PI4KA: variants seen among roughly 807,000 people sequenced by gnomAD.
PI4KA encodes the protein phosphatidylinositol 4-kinase alpha.
In PI4KA, 122 loss-of-function variants were observed where a neutral mutation model predicts 271.4. The ratio of observed to expected loss-of-function variants is 0.45; its 90% CI spans 0.39 to 0.52. PI4KA has a LOEUF of 0.52. PI4KA is among the 20% of genes least tolerant of loss of function. PI4KA has a pLI of 0.00. For missense variants in PI4KA, 1,969 were observed against 2,769.1 expected (o/e 0.71, Z 6.48); for synonymous variants, 1,041 against 1,078.8 (o/e 0.96, Z 0.69).
In PI4KA at chr22:20,827,137, T is replaced by C. The variant is rs188034780; in HGVS notation, c.368-2723A>G. Among the ~76,000 whole-genome samples, 23 of 152,350 alleles carry C rather than the reference T, an allele frequency of 1.5e-4. 1 individual carries two copies. The highest frequency in any genetic ancestry group is 1.5e-3 in the Admixed American group (23 of 15,296). ...GCCATTAAATCTTTGCCAGGGTCTA[T>C]GTCCAGAGTGGTATTTCCTAGTATC... On this transcript the variant is annotated intron_variant, in intron 3 of 54. Coordinates refer to ENST00000255882, the MANE Select transcript of PI4KA (RefSeq NM_058004.4).
intron 1 of PI4KA, among the ~76,000 whole-genome samples, chr22:20,842,415 T>A (rs932963709): frequency 6.6e-6 from 1 of 152,228 alleles, no homozygotes; most frequent in Non-Finnish European, 1.5e-5. Context: ...GCAATTTATT[T>A]ACAGTAGTAA....
At chr22:20,789,875 G>C (rs1410655573) in intron 19 of PI4KA, among the ~76,000 whole-genome samples, 1 of 152,118 alleles carries the variant, frequency 6.6e-6, no homozygotes, top group African/African-American at 2.4e-5. Context: ...ACACACACCT[G>C]GTTTTGCAGG....
In PI4KA at chr22:20,801,872, C is replaced by G. The variant is rs1197483353; in HGVS notation, c.1724+101G>C. Reference sequence around the variant, plus strand: ...CTGCATTCCAGCCTGGGCAACAGAGCGAGACTCAATCTCAAAAAAGAAGTA... The same window carrying G: ...CTGCATTCCAGCCTGGGCAACAGAGGGAGACTCAATCTCAAAAAAGAAGTA... On this transcript the variant is annotated intron_variant, in intron 14 of 54. Coordinates refer to ENST00000255882, the MANE Select transcript of PI4KA (RefSeq NM_058004.4). The G allele has an allele frequency of 3.8e-6, 5 of 1,299,488 alleles. No individual in the cohort carries two copies. In the East Asian group the frequency reaches 9.5e-5, roughly 25 times the overall value. 80.5% of individuals were successfully genotyped at this position (1,299,488 alleles called of 1,614,324 possible).
intron 28 of PI4KA, among the ~76,000 whole-genome samples, chr22:20,749,536 C>A (rs927853848): frequency 1.3e-5 from 2 of 152,266 alleles, no homozygotes; most frequent in Non-Finnish European, 2.9e-5. Context: ...TGGTCAGGCC[C>A]CTGCCTTTGG....
At chr22:20,832,564 C>T (rs955674621) in intron 3 of PI4KA, among the ~76,000 whole-genome samples, 23 of 152,164 alleles carry the variant, frequency 1.5e-4, no homozygotes, top group Non-Finnish European at 3.1e-4. Flanking sequence ...AGCGATTCTC[C>T]TGCCTCAGCC....
chr22:20,841,659 C>T (rs1217549471), intron 1 of PI4KA, among the ~76,000 whole-genome samples: 1 of 152,140 alleles, frequency 6.6e-6, no homozygotes, highest in Admixed American at 6.6e-5. Context: ...CCTCAATCCC[C>T]TGGAAGCTGT....
intron 9 of PI4KA, among the ~76,000 whole-genome samples, chr22:20,809,616 T>A (rs1223516191): frequency 6.6e-6 from 1 of 152,136 alleles, no homozygotes; most frequent in African/African-American, 2.4e-5. Context: ...CTGGTCCTCC[T>A]GGTCTGCCCT....
intron 4 of PI4KA, among the ~76,000 whole-genome samples, chr22:20,821,494 A>G (rs1474431087): frequency 6.6e-6 from 1 of 152,106 alleles, no homozygotes; most frequent in Non-Finnish European, 1.5e-5. Flanking sequence ...TGCTGAGATT[A>G]TAGGCGTGAG....
intron 22 of PI4KA, among the ~76,000 whole-genome samples, chr22:20,762,094 A>G (rs992730617): frequency 6.6e-6 from 1 of 152,098 alleles, no homozygotes; most frequent in African/African-American, 2.4e-5. Flanking sequence ...GGTAAAAAAA[A>G]TATCTTTAAC....
intron 3 of PI4KA, among the ~76,000 whole-genome samples, chr22:20,832,755 G>A (rs1228829112): frequency 1.3e-5 from 2 of 151,978 alleles, no homozygotes; most frequent in Admixed American, 6.6e-5. Context: ...GTGCCCGGCC[G>A]GTTTTTTCTT....
At chr22:20,792,757 G>A (rs1160795823) in intron 19 of PI4KA, among the ~76,000 whole-genome samples, 2 of 152,216 alleles carry the variant, frequency 1.3e-5, no homozygotes, top group Admixed American at 1.3e-4. Context: ...GTCCCCTGAA[G>A]GAGACTGGGG....
intron 1 of PI4KA, among the ~76,000 whole-genome samples, chr22:20,858,329 A>C (rs1197435874): frequency 6.7e-6 from 1 of 149,854 alleles, no homozygotes. Context: ...CCATCCCACA[A>C]CCACCCACCT....
intron 19 of PI4KA, among the ~76,000 whole-genome samples, chr22:20,782,703 G>A (rs1273736336): frequency 6.6e-6 from 1 of 152,162 alleles, no homozygotes; most frequent in Non-Finnish European, 1.5e-5. Flanking sequence ...CAACCTGGGG[G>A]GTTGGAGTAA....
intron 7 of PI4KA, among the ~76,000 whole-genome samples, chr22:20,816,265 A>G (rs1921796286): frequency 6.6e-6 from 1 of 151,820 alleles, no homozygotes; most frequent in Non-Finnish European, 1.5e-5. Context: ...AAGTGATCAA[A>G]TTTGCGCTAT....
chr22:20,785,942 TC>T (rs1260455706), intron 19 of PI4KA: 24 of 1,494,536 alleles, frequency 1.6e-5, no homozygotes, highest in Non-Finnish European at 2.2e-5. Flanking sequence ...AAAGGGAAAA[TC>T]ATGATTCTTT....
chr22:20,737,384 G>A (rs1311880665), intron 32 of PI4KA, among the ~76,000 whole-genome samples: 1 of 152,174 alleles, frequency 6.6e-6, no homozygotes, highest in African/African-American at 2.4e-5. Context: ...TCTGGGGCCT[G>A]CTAGTGATAT....
At position 20,819,779 on chromosome 22, in the gene PI4KA, G is replaced by C. The variant is rs1922366387; in HGVS notation, c.651C>G (p.Leu217=). Residue 217 remains leucine (L), a synonymous_variant, in exon 6 of 55, where the codon CTC becomes CTG. Transcript: ENST00000255882. ...KLFPKIPPHS[L]RVLEELEGVR... ...CACCTTCAAGCTCTTCCAGGACACG[G>C]AGGGAATGAGGAGGGATTTTGGGAA... 6 of 1,614,208 alleles carry C rather than the reference G, an allele frequency of 3.7e-6. No homozygotes were observed. The highest frequency in any genetic ancestry group is 2.7e-5 in the African/African-American group (2 of 75,056).
In PI4KA at chr22:20,727,136, C is replaced by T. The variant is rs2147226082; in HGVS notation, c.4941+94G>A. On this transcript the variant is annotated intron_variant, in intron 41 of 54. Coordinates refer to ENST00000255882, the MANE Select transcript of PI4KA (RefSeq NM_058004.4). The stretch of plus-strand genomic sequence containing the variant: ...AAAGGACCAGTATGTAACGGGGCGA[C>T]CTCATGGCCAATGGTGGGGCCTGTG... 35 of 1,159,660 alleles carry T rather than the reference C, an allele frequency of 3.0e-5. 1 individual carries two copies. The highest frequency in any genetic ancestry group is 5.7e-4 in the Middle Eastern group (2 of 3,508). The allele number at this position is 1,159,660 out of a possible 1,614,324, so 71.8% of individuals were successfully genotyped here. A position where few individuals can be genotyped will look rare whatever the true frequency, so the allele number is the denominator to read the frequency against.
At chr22:20,765,814 T>C in intron 19 of PI4KA, 121 bp from the exon 20 acceptor site, 1 of 663,076 alleles carries the variant, frequency 1.5e-6, no homozygotes, top group Non-Finnish European at 2.8e-6. Context: ...TCAGACTGGG[T>C]AGGAAAAGGC....
Sources: allele counts gnomAD v4.1 joint callset (sites outside exome capture counted in the v4.1 genomes callset), GRCh38; gene constraint gnomAD v4.1.1; transcripts MANE v1.5; gene names NCBI Gene and HGNC (gene_info 2026-07-23, HGNC 2026-07-21).